The following COPG2 variants were observed in gnomAD, a reference collection of about 807,000 sequenced individuals.
COPG2 encodes coatomer subunit gamma-2.
Under a neutral mutation model 46.3 loss-of-function variants are expected in COPG2, and 37 were observed. The ratio of observed to expected loss-of-function variants is 0.80; its 90% CI spans 0.61 to 1.05. The LOEUF (loss-of-function observed/expected upper bound fraction) is 1.05. Ranked by LOEUF, COPG2 falls within the 50% of genes least tolerant of loss-of-function variation. The pLI is 0.00. For missense variants in COPG2, 427 were observed against 387.8 expected, an observed-to-expected ratio of 1.10 and a Z score of -0.85; for synonymous variants, 159 against 129.7, an observed-to-expected ratio of 1.23 and a Z score of -1.53.
chr7:130,511,500 G>A (rs782637839), intron 20 of COPG2: 2 of 520,086 alleles, frequency 3.8e-6, no homozygotes, highest in South Asian at 1.4e-5. Flanking sequence ...TGGTGGGAGG[G>A]AGTTTTTCTC....
chr7:130,652,428 T>G (rs1210556355), intron 5 of COPG2, among the ~76,000 whole-genome samples: 7 of 152,370 alleles, frequency 4.6e-5, no homozygotes, highest in African/African-American at 1.7e-4. Context: ...ACCTCATTCT[T>G]GAATTTTTAA....
At chr7:130,634,410 G>A (rs565616039) in intron 5 of COPG2, among the ~76,000 whole-genome samples, 10 of 152,176 alleles carry the variant, frequency 6.6e-5, no homozygotes, top group African/African-American at 2.2e-4. Flanking sequence ...GAAGTAGTTT[G>A]TAGTTCTCCT....
intron 9 of COPG2, among the ~76,000 whole-genome samples, chr7:130,568,278 A>C (rs903074535): frequency 5.3e-5 from 8 of 152,166 alleles, no homozygotes; most frequent in Non-Finnish European, 8.8e-5. Context: ...TCTGTCTCAA[A>C]AAAAAGAATC....
intron 9 of COPG2, among the ~76,000 whole-genome samples, chr7:130,594,182 T>G (rs1215632504): frequency 6.6e-6 from 1 of 152,080 alleles, no homozygotes; most frequent in African/African-American, 2.4e-5. Flanking sequence ...CAGAAAAAAG[T>G]TGTCAAACTC....
rs183515818 is a variant in COPG2 at position 130,599,047 on chromosome 7, C to T, written c.737+11906G>A. Among the ~76,000 whole-genome samples, 656 of 152,298 alleles carry T rather than the reference C, an allele frequency of 4.3e-3. 2 individuals carry two copies. Among genetic ancestry groups the T allele is most frequent in the Non-Finnish European group, 6.8e-3 (463 of 68,034 alleles). On this transcript the variant is annotated intron_variant, in intron 9 of 23. Coordinates refer to ENST00000425248, the MANE Select transcript of COPG2 (RefSeq NM_012133.6). ...CTCTTCTGATGACCCACCCTTGGGA[C>T]CCTTAGAGCAGGCAGCCAGAGGTTT...
chr7:130,555,080 T>A lies in COPG2; in HGVS notation c.1181A>T (p.His394Leu), dbSNP rs909580743. Residue 394 changes from histidine (H) to leucine (L), a missense_variant, in exon 13 of 24, where the codon CAC becomes CTC. Coordinates refer to ENST00000425248, the MANE Select transcript of COPG2 (RefSeq NM_012133.6). ...GGAGAGGAAAGTCATCATGACACTGTGCTTTCGAGGGTATTTCTGACAGAG... is the reference window on the plus strand; with the variant it reads ...GGAGAGGAAAGTCATCATGACACTGAGCTTTCGAGGGTATTTCTGACAGAG... ...SALCQKYPRKHSVMMTFLSNM... is the reference protein window; with the variant it reads ...SALCQKYPRKLSVMMTFLSNM... 3.0e-5 allele frequency: 12 copies of A among 398,456 alleles called. No homozygotes were observed. Among genetic ancestry groups the A allele is most frequent in the Non-Finnish European group, 5.3e-5 (12 of 226,046 alleles). The allele number at this position is 398,456 out of a possible 1,614,324, so 24.7% of individuals were successfully genotyped here.
chr7:130,589,639 T>C (rs1442781559), intron 9 of COPG2, among the ~76,000 whole-genome samples: 1 of 152,174 alleles, frequency 6.6e-6, no homozygotes, highest in African/African-American at 2.4e-5. Context: ...TTTCTACCAA[T>C]TTATATTCTC....
chr7:130,663,377 A>G (rs139772680), intron 3 of COPG2, among the ~76,000 whole-genome samples: 89 of 152,318 alleles, frequency 5.8e-4, no homozygotes, highest in Middle Eastern at 3.4e-3. Flanking sequence ...ACAATAGGAC[A>G]TTATTATTAC....
At chr7:130,510,368 A>C (rs1799575827) in intron 20 of COPG2, among the ~76,000 whole-genome samples, 1 of 152,236 alleles carries the variant, frequency 6.6e-6, no homozygotes, top group Admixed American at 6.5e-5. Context: ...AGGGGAAAGA[A>C]GTGAAAGTTA....
At chr7:130,629,185 G>T (rs570492260) in intron 5 of COPG2, among the ~76,000 whole-genome samples, 45 of 151,032 alleles carry the variant, frequency 3.0e-4, no homozygotes, top group Admixed American at 2.2e-3. Flanking sequence ...GTCCTTTTTT[G>T]GGGGGGGTAC....
At chr7:130,556,584 C>G (rs1266285925) in intron 12 of COPG2, among the ~76,000 whole-genome samples, 1 of 151,940 alleles carries the variant, frequency 6.6e-6, no homozygotes, top group Non-Finnish European at 1.5e-5. Context: ...TATATATGTA[C>G]AGAAAGAAAA....
At chr7:130,599,804 G>A (rs1375850339) in intron 9 of COPG2, among the ~76,000 whole-genome samples, 1 of 152,140 alleles carries the variant, frequency 6.6e-6, no homozygotes, top group Non-Finnish European at 1.5e-5. Context: ...GATCAAGGAG[G>A]ATATATAAAG....
chr7:130,609,880 A>G (rs1794808915), intron 9 of COPG2, among the ~76,000 whole-genome samples: 1 of 152,046 alleles, frequency 6.6e-6, no homozygotes, highest in Admixed American at 6.6e-5. Flanking sequence ...TTCCTTACCC[A>G]TTTACACATT....
At chr7:130,596,254 T>C (rs1399882696) in intron 9 of COPG2, among the ~76,000 whole-genome samples, 2 of 152,184 alleles carry the variant, frequency 1.3e-5, no homozygotes, top group Non-Finnish European at 2.9e-5. Context: ...CCCTTTCCCA[T>C]CTCTCTTTAA....
intron 3 of COPG2, among the ~76,000 whole-genome samples, chr7:130,666,418 A>G (rs1234728684): frequency 2.0e-5 from 3 of 152,194 alleles, no homozygotes; most frequent in Non-Finnish European, 2.9e-5. Context: ...TTAGGATCTC[A>G]TGAATAAAAA....
At chr7:130,618,182 C>T (rs1207390948) in intron 5 of COPG2, among the ~76,000 whole-genome samples, 1 of 150,692 alleles carries the variant, frequency 6.6e-6, no homozygotes, top group Non-Finnish European at 1.5e-5. Context: ...TTCCCTGATG[C>T]ACTCTTTCTG....
At chr7:130,631,080 T>C (rs1382634850) in intron 5 of COPG2, among the ~76,000 whole-genome samples, 1 of 152,182 alleles carries the variant, frequency 6.6e-6, no homozygotes. Flanking sequence ...GCCTTTAATG[T>C]AATTATTGAT....
chr7:130,513,828 T>C (rs1799650781), intron 20 of COPG2, among the ~76,000 whole-genome samples: 2 of 152,164 alleles, frequency 1.3e-5, no homozygotes, highest in African/African-American at 4.8e-5. Flanking sequence ...TGACTAACAG[T>C]TGTTCTACTA....
intron 5 of COPG2, among the ~76,000 whole-genome samples, chr7:130,649,093 G>C (rs1267505852): frequency 6.6e-6 from 1 of 152,190 alleles, no homozygotes; most frequent in East Asian, 1.9e-4. Context: ...ATCTTGCCTA[G>C]ATAATCCCAT....
Sources: gnomAD v4.1 joint callset for allele counts (sites outside exome capture counted in the v4.1 genomes callset) on GRCh38, gnomAD v4.1.1 for gene constraint, MANE v1.5 for transcripts, NCBI Gene and HGNC (gene_info 2026-07-23, HGNC 2026-07-21) for gene names.